Variants in ARNT observed in about 807,000 individuals in gnomAD.
ARNT encodes the protein class E basic helix-loop-helix protein 2.
In ARNT, 30 loss-of-function variants were observed where a neutral mutation model predicts 105.0. The ratio of observed to expected loss-of-function variants is 0.29; its 90% CI spans 0.21 to 0.39. ARNT has a LOEUF of 0.39. Among genes scored for constraint, ARNT ranks in the 10% least tolerant of loss-of-function variants. The probability of loss-of-function intolerance (pLI) is 1.00; values close to 1 mark genes in which losing one functional copy is unlikely to be tolerated. For synonymous variants in ARNT, 304 were observed against 344.0 expected (o/e 0.88, Z 1.29); for missense variants, 748 against 978.7 (o/e 0.76, Z 3.15).
intron 14 of ARNT, among the ~76,000 whole-genome samples, chr1:150,819,769 G>A (rs139899795): frequency 6.6e-5 from 10 of 152,204 alleles, no homozygotes; most frequent in African/African-American, 2.2e-4. Flanking sequence ...TTTCAGAGCC[G>A]GGGGAAAGAA....
chr1:150,868,302 G>T (rs1340609592), intron 1 of ARNT, among the ~76,000 whole-genome samples: 1 of 151,906 alleles, frequency 6.6e-6, no homozygotes, highest in East Asian at 1.9e-4. Context: ...AAAGAGTCAA[G>T]ACCCTGTCTC....
chr1:150,838,713 G>A (rs587601319), intron 6 of ARNT, among the ~76,000 whole-genome samples: 13 of 152,136 alleles, frequency 8.5e-5, no homozygotes, highest in African/African-American at 3.1e-4. Flanking sequence ...CAATGATCAT[G>A]TTATTTTAAT....
chr1:150,811,396 G>C lies in ARNT; in HGVS notation c.*625C>G, dbSNP rs587656765. The stretch of plus-strand genomic sequence containing the variant: ...TACACAGAAAGACAAAGGTAAAATC[G>C]GGGACAAATTTTGCATAACTCCCTA... On this transcript the variant is annotated 3_prime_UTR_variant, in exon 22 of 22. Transcript: ENST00000358595. The C allele has an allele frequency of 4.3e-6, 1 of 233,146 alleles. No individual in the cohort carries two copies. The highest frequency in any genetic ancestry group is 2.2e-5 in the African/African-American group (1 of 45,202). 14.4% of individuals were successfully genotyped at this position (233,146 alleles called of 1,614,324 possible). A position where few individuals can be genotyped will look rare whatever the true frequency, so the allele number is the denominator to read the frequency against.
intron 6 of ARNT, among the ~76,000 whole-genome samples, chr1:150,838,349 AATTT>A (rs1432820216): frequency 3.3e-5 from 5 of 152,148 alleles, no homozygotes; most frequent in Admixed American, 6.5e-5. Context: ...TTCTATGTTT[AATTT>A]ATTTATTTAC....
At chr1:150,864,249 A>G (rs1020480392) in intron 1 of ARNT, among the ~76,000 whole-genome samples, 4 of 152,098 alleles carry the variant, frequency 2.6e-5, no homozygotes, top group Non-Finnish European at 5.9e-5. Context: ...CTCCATTATA[A>G]TCTTATGGGA....
rs147369765 is a variant in ARNT, at chr1:150,845,850, C to T, written c.227+413G>A. Among the ~76,000 whole-genome samples, 846 of 152,114 alleles carry T rather than the reference C, an allele frequency of 5.6e-3. 71 individuals are homozygous for T. The East Asian group carries it at 0.15, about 27-fold the overall frequency. The stretch of plus-strand genomic sequence containing the variant: ...CCAGGAGGTGAAGGTTGCAGTGAGC[C>T]GAGATGGCGCCATTGCACTCCAGCC... On this transcript the variant is annotated intron_variant, in intron 4 of 21. Coordinates refer to ENST00000358595, the MANE Select transcript of ARNT (RefSeq NM_001668.4).
Position 150,831,872 on chromosome 1 carries a change from G to C in ARNT, c.901C>G (p.Pro301Ala). The part of the protein sequence containing the change: ...NGLGSVKDGE[P>A]HFVVVHCTGY... ...GTGCAGTGGACCACCACGAAGTGAG[G>C]TTCCCCATCCTTTACAGAGCCAAGT... Residue 301 changes from proline to alanine, a missense_variant, in exon 10 of 22, where the codon CCT becomes GCT. Physicochemically the swap from Pro to Ala is conservative, Grantham distance 27. Around this residue, in one of 4 missense-constraint regions of ARNT, gnomAD observed 291 missense variants for 444.6 expected, o/e 0.65. Transcript: ENST00000358595. The C allele has an allele frequency of 6.3e-7, 1 of 1,595,000 alleles. No individual in the cohort carries two copies. Among genetic ancestry groups the C allele is most frequent in the South Asian group, 1.1e-5 (1 of 87,368 alleles).
chr1:150,826,505 C>A (rs773220436), intron 13 of ARNT, 38 bp downstream of exon 13: 1 of 1,526,282 alleles, frequency 6.6e-7, no homozygotes, highest in Non-Finnish European at 9.1e-7. Flanking sequence ...GTGAATATGA[C>A]AAATATTTAT....
At chr1:150,826,436 A>G in intron 13 of ARNT, 107 bp downstream of exon 13, 1 of 846,012 alleles carries the variant, frequency 1.2e-6, no homozygotes, top group South Asian at 1.7e-5. Context: ...ACTACTAAAG[A>G]ACATAAAACT....
rs1219893136 is a variant in ARNT at position 150,816,876 on chromosome 1, T to C, written c.1714A>G (p.Ile572Val). 1 of 1,604,120 alleles carries C rather than the reference T, an allele frequency of 6.2e-7. No individual in the cohort carries two copies. Among genetic ancestry groups the C allele is most frequent in the Non-Finnish European group, 8.5e-7 (1 of 1,177,718 alleles). ...GTGGCAGGGACAGTGCTGGAGGAGA[T>C]GCCTTTACTCTGATCTGTGGACCAA... is the stretch of plus-strand genomic sequence containing the variant. The part of the protein sequence containing the change: ...HNINADQSKG[I>V]SSSTVPATQQ... Residue 572 changes from isoleucine (I) to valine (V), a missense_variant, in exon 18 of 22, where the codon ATC (isoleucine) becomes GTC (valine). Physicochemically the swap from Ile to Val is conservative, Grantham distance 29. This residue lies in a region of ARNT where 360 missense variants were observed against 411.9 expected (regional missense o/e 0.87). Transcript: ENST00000358595.
rs772297860 is a variant in ARNT, at chr1:150,818,032, T to C, written c.1395-2A>G. 17 of 1,575,216 alleles carry C rather than the reference T, an allele frequency of 1.1e-5. No homozygotes were observed. In the South Asian group the frequency reaches 1.5e-4, roughly 13 times the overall value. ...GGCCGTGGTTCTTGGCTAGAGTTCC[T>C]AGGAAACCAGAGTAGACAGTAAAGA... On this transcript the variant is annotated splice_acceptor_variant, in intron 14 of 21. Coordinates refer to ENST00000358595, the MANE Select transcript of ARNT (RefSeq NM_001668.4). LOFTEE classifies it high-confidence loss of function.
Position 150,842,404 on chromosome 1 carries a change from A to G in ARNT, c.272+20T>C. On this transcript the variant is annotated intron_variant, in intron 5 of 21. Transcript: ENST00000358595. ...GCAGCATCATCTGCTTCATCATGCT[A>G]AAAGACACTGTTCTCCTACCTGGCA... 6.2e-7 allele frequency: 1 copy of G among 1,610,674 alleles called. No homozygotes were observed. Among genetic ancestry groups the G allele is most frequent in the Non-Finnish European group, 8.5e-7 (1 of 1,178,174 alleles).
chr1:150,865,911 T>TA (rs1483637221), intron 1 of ARNT, among the ~76,000 whole-genome samples: 13 of 152,158 alleles, frequency 8.5e-5, no homozygotes. Flanking sequence ...CACTAATTGA[T>TA]AGTTTGCCTA....
chr1:150,875,034 T>G (rs1668034845), intron 1 of ARNT, among the ~76,000 whole-genome samples: 1 of 152,178 alleles, frequency 6.6e-6, no homozygotes, highest in South Asian at 2.1e-4. Context: ...CCAGGCCACT[T>G]CTTAATAAGA....
chr1:150,811,952 G>T lies in ARNT; in HGVS notation c.*69C>A. On this transcript the variant is annotated 3_prime_UTR_variant, in exon 22 of 22. Coordinates refer to ENST00000358595, the MANE Select transcript of ARNT (RefSeq NM_001668.4). ...GAGAGGAACTTTTATTCTGTTTACA[G>T]AAAGATTTGCTTTTTAAAAACAAAC... 1 of 1,237,548 alleles carries T rather than the reference G, an allele frequency of 8.1e-7. No homozygotes were observed. Among genetic ancestry groups the T allele is most frequent in the Non-Finnish European group, 1.1e-6 (1 of 916,442 alleles). The allele number at this position is 1,237,548 out of a possible 1,614,324, so 76.7% of individuals were successfully genotyped here. A position where few individuals can be genotyped will look rare whatever the true frequency, so the allele number is the denominator to read the frequency against.
chr1:150,813,354 G>T lies in ARNT; in HGVS notation c.2114-16C>A. On this transcript the variant is annotated splice_polypyrimidine_tract_variant and intron_variant, in intron 20 of 21. Transcript: ENST00000358595. ...GTCTCAGGAGCTAGAAATACAGCAA[G>T]GAAGAATAAACAACTCCAATCTACA... 2 of 1,554,842 alleles carry T rather than the reference G, an allele frequency of 1.3e-6. No individual in the cohort carries two copies. Among genetic ancestry groups the T allele is most frequent in the Non-Finnish European group, 1.7e-6 (2 of 1,148,142 alleles).
At position 150,860,218 on chromosome 1, in the gene ARNT, C is replaced by CTTTTTTTT. The variant is rs756996050; in HGVS notation, c.26-1766_26-1759dup. ...CCCATGGAATAGAAAAAAAAAAATT[C>CTTTTTTTT]TTTTTTTTTTTTTTTGAGTTAGAGT... On this transcript the variant is annotated intron_variant, in intron 1 of 21. Coordinates refer to ENST00000358595, the MANE Select transcript of ARNT (RefSeq NM_001668.4). Among the ~76,000 whole-genome samples the CTTTTTTTT allele has an allele frequency of 2.9e-4, 33 of 113,014 alleles. 1 individual carries two copies. Among genetic ancestry groups the CTTTTTTTT allele is most frequent in the African/African-American group, 6.2e-4 (18 of 28,976 alleles). 74.1% of individuals were successfully genotyped at this position (113,014 alleles called of 152,430 possible).
At chr1:150,868,056 A>G (rs1666892582) in intron 1 of ARNT, among the ~76,000 whole-genome samples, 4 of 152,006 alleles carry the variant, frequency 2.6e-5, no homozygotes, top group Admixed American at 6.6e-5. Flanking sequence ...GGACTATGGT[A>G]GGTACCAAGT....
intron 3 of ARNT, among the ~76,000 whole-genome samples, chr1:150,848,481 G>C (rs1332179646): frequency 6.6e-6 from 1 of 151,850 alleles, no homozygotes; most frequent in African/African-American, 2.4e-5. Flanking sequence ...AGTTCTGAAG[G>C]TCCAAAGTAA....
Sources: allele counts gnomAD v4.1 joint callset (sites outside exome capture counted in the v4.1 genomes callset), GRCh38; gene constraint gnomAD v4.1.1; regional missense constraint gnomAD v4.1.1; transcripts MANE v1.5; gene names NCBI Gene and HGNC (gene_info 2026-07-23, HGNC 2026-07-21).